ABRACL: variants seen among roughly 807,000 people sequenced by gnomAD.
ABRACL encodes the protein ABRA C-terminal like.
Under a neutral mutation model 7.0 loss-of-function variants are expected in ABRACL, and 4 were observed. The observed-to-expected ratio is 0.57, with a 90% CI of 0.28 to 1.30. ABRACL has a LOEUF of 1.30. Ranked by LOEUF, ABRACL falls within the 50% of genes most tolerant of loss-of-function variation. The pLI is 0.10. For missense variants in ABRACL, 104 were observed against 97.3 expected (o/e 1.07, Z -0.29); for synonymous variants, 30 against 36.0 (o/e 0.83, Z 0.60).
chr6:139,036,026 C>T (rs1582900195), intron 2 of ABRACL, among the ~76,000 whole-genome samples: 2 of 152,008 alleles, frequency 1.3e-5, no homozygotes, highest in East Asian at 2.0e-4. Context: ...ATCGCTTGAA[C>T]TCGGGAGGCG....
rs1007380316 is a variant in ABRACL, at chr6:139,029,613, G to A, written c.-7+738G>A. Among the ~76,000 whole-genome samples the A allele has an allele frequency of 5.3e-5, 8 of 152,288 alleles. No homozygotes were observed. The East Asian group carries it at 1.4e-3, about 26-fold the overall frequency. ...GTGCCGGCGGTGACCGTGTGATGAT[G>A]GGCTGCAGGGCACGGGGTTAGGGGA... On this transcript the variant is annotated intron_variant, in intron 1 of 2. Coordinates refer to ENST00000367660, the MANE Select transcript of ABRACL (RefSeq NM_021243.3).
At position 139,042,271 on chromosome 6, in the gene ABRACL, T is replaced by G. The variant is rs917865422; in HGVS notation, c.62-448T>G. On this transcript the variant is annotated intron_variant, in intron 2 of 2. Coordinates refer to ENST00000367660, the MANE Select transcript of ABRACL (RefSeq NM_021243.3). ...TTCAGTGGTCCTGATGAATGGCTGA[T>G]GATTATACATTTTTAAGGAGCCCCC... 2.3e-5 allele frequency among the ~76,000 whole-genome samples: 3 copies of G among 128,292 alleles called. No homozygotes were observed. In the East Asian group the frequency reaches 5.8e-4, roughly 25 times the overall value. The allele number at this position is 128,292 out of a possible 152,430, so 84.2% of individuals were successfully genotyped here. A position where few individuals can be genotyped will look rare whatever the true frequency, so the allele number is the denominator to read the frequency against.
intron 2 of ABRACL, among the ~76,000 whole-genome samples, chr6:139,040,984 C>T (rs1403476587): frequency 2.0e-5 from 3 of 152,136 alleles, no homozygotes; most frequent in African/African-American, 7.2e-5. Context: ...ATGTTCAGGT[C>T]CCCATTTTAC....
intron 2 of ABRACL, chr6:139,034,511 T>C: frequency 8.3e-7 from 1 of 1,205,806 alleles, no homozygotes; most frequent in Non-Finnish European, 1.1e-6. Context: ...TGAAATTTGG[T>C]AATTGAATCA....
In ABRACL at chr6:139,042,712, A is replaced by T; in HGVS notation, c.62-7A>T. On this transcript the variant is annotated splice_polypyrimidine_tract_variant and splice_region_variant and intron_variant, in intron 2 of 2. Transcript: ENST00000367660. ...GCATTTGCTAACAATGTATTTTCTC[A>T]AACTAGATGCTGATGGAAAGTTAAG... The T allele has an allele frequency of 6.2e-7, 1 of 1,606,892 alleles. No homozygotes were observed. The highest frequency in any genetic ancestry group is 8.5e-7 in the Non-Finnish European group (1 of 1,176,436).
intron 1 of ABRACL, among the ~76,000 whole-genome samples, chr6:139,029,795 G>A (rs889071967): frequency 2.6e-5 from 4 of 152,218 alleles, no homozygotes; most frequent in Non-Finnish European, 4.4e-5. Flanking sequence ...TGCCCAGCCC[G>A]AGTGTGTAAA....
intron 1 of ABRACL, among the ~76,000 whole-genome samples, chr6:139,029,475 C>G: frequency 6.6e-6 from 1 of 151,856 alleles, no homozygotes; most frequent in East Asian, 2.0e-4. Context: ...AGACCCGCGG[C>G]GCCGGGCCGG....
intron 2 of ABRACL, chr6:139,034,425 A>G: frequency 1.3e-6 from 2 of 1,522,712 alleles, no homozygotes; most frequent in South Asian, 2.4e-5. Flanking sequence ...TGTGATTCTG[A>G]TGCAGGGAAT....
chr6:139,036,540 A>G (rs1786159038), intron 2 of ABRACL, among the ~76,000 whole-genome samples: 1 of 152,240 alleles, frequency 6.6e-6, no homozygotes, highest in East Asian at 1.9e-4. Context: ...ATGGACTCTA[A>G]GTCCATACCT....
At chr6:139,032,299 C>T (rs1399267001) in intron 1 of ABRACL, among the ~76,000 whole-genome samples, 1 of 152,206 alleles carries the variant, frequency 6.6e-6, no homozygotes, top group Non-Finnish European at 1.5e-5. Flanking sequence ...GGTGTTCAGG[C>T]CTCGTGCCTG....
In ABRACL at chr6:139,042,720, T is replaced by C. The variant is rs572250775; in HGVS notation, c.63T>C (p.Asn21=). ...VEEIHRLGSK[N]ADGKLSVKFG... The stretch of plus-strand genomic sequence containing the variant: ...TAACAATGTATTTTCTCAAACTAGA[T>C]GCTGATGGAAAGTTAAGCGTGAAAT... The change falls in exon 3 of 3, where the codon AAT becomes AAC. Residue 21 remains asparagine (N), a splice_region_variant and synonymous_variant. Transcript: ENST00000367660. The C allele has an allele frequency of 2.7e-5, 44 of 1,609,814 alleles. 1 individual carries two copies. In the South Asian group the frequency reaches 4.5e-4, roughly 17 times the overall value.
rs1327238429 is a variant in ABRACL at position 139,041,016 on chromosome 6, G to A, written c.62-1703G>A. The stretch of plus-strand genomic sequence containing the variant: ...TTACACAGGAGGAAGCCAAGGCTTA[G>A]GGAGCTTTAAACAAGTTGCCCAAGG... On this transcript the variant is annotated intron_variant, in intron 2 of 2. Transcript: ENST00000367660. Among the ~76,000 whole-genome samples the A allele has an allele frequency of 2.0e-5, 3 of 152,176 alleles. No individual in the cohort carries two copies. The East Asian group carries it at 5.8e-4, about 29-fold the overall frequency.
chr6:139,039,978 G>A (rs989883673), intron 2 of ABRACL, among the ~76,000 whole-genome samples: 7 of 151,996 alleles, frequency 4.6e-5, no homozygotes, highest in East Asian at 3.9e-4. Context: ...TCCCAGCTAC[G>A]TGGGAGGCTT....
chr6:139,040,285 G>A (rs1786225697), intron 2 of ABRACL, among the ~76,000 whole-genome samples: 2 of 152,134 alleles, frequency 1.3e-5, no homozygotes, highest in Non-Finnish European at 2.9e-5. Flanking sequence ...GAAACACTCA[G>A]GGCCTGAACC....
At chr6:139,030,477 T>G (rs1215981082) in intron 1 of ABRACL, among the ~76,000 whole-genome samples, 3 of 152,214 alleles carry the variant, frequency 2.0e-5, no homozygotes, top group Admixed American at 2.0e-4. Flanking sequence ...GTCCTTATTA[T>G]AAAAGGCCAT....
rs1786279206 is a variant in ABRACL at position 139,043,157 on chromosome 6, AG to A, written c.*257del. 1.0e-5 allele frequency: 3 copies of A among 300,292 alleles called. No homozygotes were observed. In the East Asian group the frequency reaches 1.7e-4, roughly 17 times the overall value. 18.6% of individuals were successfully genotyped at this position (300,292 alleles called of 1,614,324 possible). A position where few individuals can be genotyped will look rare whatever the true frequency, so the allele number is the denominator to read the frequency against. ...CAGGCAATGAGATTTTTTGCGGGGC[AG>A]GGATGGGAATGTTTGTTCATAAATA... On this transcript the variant is annotated 3_prime_UTR_variant, in exon 3 of 3. Coordinates refer to ENST00000367660, the MANE Select transcript of ABRACL (RefSeq NM_021243.3).
intron 2 of ABRACL, among the ~76,000 whole-genome samples, chr6:139,039,698 G>A (rs1786216143): frequency 2.0e-5 from 3 of 152,176 alleles, no homozygotes; most frequent in African/African-American, 4.8e-5. Flanking sequence ...GGATCAGGAG[G>A]TACATGCAGT....
chr6:139,042,663 A>G (rs1321745128), intron 2 of ABRACL, 56 bp from the exon 3 acceptor site: 2 of 1,509,502 alleles, frequency 1.3e-6, no homozygotes, highest in Non-Finnish European at 1.8e-6. Context: ...AGTCTTCCAT[A>G]CTTGAGGGTA....
intron 2 of ABRACL, among the ~76,000 whole-genome samples, chr6:139,041,891 A>G (rs866628079): frequency 6.6e-6 from 1 of 152,164 alleles, no homozygotes; most frequent in Admixed American, 6.5e-5. Context: ...TCCAGTGGGA[A>G]GTTCTAGCCA....
Sources: allele counts gnomAD v4.1 joint callset (sites outside exome capture counted in the v4.1 genomes callset), GRCh38; gene constraint gnomAD v4.1.1; transcripts MANE v1.5; gene names NCBI Gene and HGNC (gene_info 2026-07-23, HGNC 2026-07-21).